Variants in RABGAP1L observed in about 807,000 individuals in gnomAD.
RABGAP1L encodes the protein rab GTPase-activating protein 1-like.
In RABGAP1L, 63 loss-of-function variants were observed where a neutral mutation model predicts 137.7. The ratio of observed to expected loss-of-function variants is 0.46; its 90% confidence interval spans 0.37 to 0.56. RABGAP1L has a LOEUF of 0.56. Among genes scored for constraint, RABGAP1L ranks in the 20% least tolerant of loss-of-function variants. The probability of loss-of-function intolerance (pLI) is 0.00; values close to 1 mark genes in which losing one functional copy is unlikely to be tolerated. For missense variants in RABGAP1L, 1,095 were observed against 1,244.0 expected (o/e 0.88, Z 1.80); for synonymous variants, 431 against 433.7 (o/e 0.99, Z 0.08).
At chr1:174,331,609 TA>T (rs1173565381) in intron 11 of RABGAP1L, among the ~76,000 whole-genome samples, 23 of 152,216 alleles carry the variant, frequency 1.5e-4, no homozygotes, top group Admixed American at 1.5e-3. Flanking sequence ...TTAAAATGTC[TA>T]TTATCAAAAA....
intron 17 of RABGAP1L, among the ~76,000 whole-genome samples, chr1:174,728,046 A>C (rs1308100914): frequency 1.3e-5 from 2 of 152,234 alleles, no homozygotes; most frequent in African/African-American, 2.4e-5. Flanking sequence ...AATGTTATAC[A>C]GCAGTAACAT....
intron 18 of RABGAP1L, among the ~76,000 whole-genome samples, chr1:174,782,614 G>A (rs1215716334): frequency 2.0e-5 from 3 of 152,080 alleles, no homozygotes; most frequent in South Asian, 2.1e-4. Flanking sequence ...CTGCATTTCC[G>A]CATGGGATGT....
At chr1:174,669,575 G>A (rs1284155440) in intron 14 of RABGAP1L, among the ~76,000 whole-genome samples, 9 of 152,100 alleles carry the variant, frequency 5.9e-5, no homozygotes, top group Admixed American at 5.9e-4. Flanking sequence ...ATGTCCTTGA[G>A]CGTTTTCTCT....
At chr1:174,201,654 C>CT (rs948774336) in intron 1 of RABGAP1L, among the ~76,000 whole-genome samples, 8 of 143,506 alleles carry the variant, frequency 5.6e-5, no homozygotes, top group Non-Finnish European at 1.2e-4. Flanking sequence ...TTTTTTTTTT[C>CT]TTTTTTTTAA....
intron 13 of RABGAP1L, among the ~76,000 whole-genome samples, chr1:174,570,308 T>A (rs746417541): frequency 5.9e-5 from 9 of 152,214 alleles, no homozygotes; most frequent in Non-Finnish European, 1.2e-4. Flanking sequence ...ACTAGGTTTT[T>A]ATTTTGCCTC....
chr1:174,636,581 T>C (rs981001149), intron 13 of RABGAP1L, among the ~76,000 whole-genome samples: 1 of 152,098 alleles, frequency 6.6e-6, no homozygotes, highest in African/African-American at 2.4e-5. Flanking sequence ...GCTTCCTGTT[T>C]TGTGGAATCA....
chr1:174,337,979 T>C (rs1249118962), intron 11 of RABGAP1L, among the ~76,000 whole-genome samples: 1 of 152,194 alleles, frequency 6.6e-6, no homozygotes, highest in Non-Finnish European at 1.5e-5. Context: ...CATTGCAGTT[T>C]GAGTTGCGTT....
chr1:174,169,071 T>C (rs754336468), intron 1 of RABGAP1L, among the ~76,000 whole-genome samples: 5 of 152,220 alleles, frequency 3.3e-5, no homozygotes, highest in Non-Finnish European at 7.3e-5. Context: ...CATATGATAA[T>C]GTAGGCCTCT....
chr1:174,505,003 A>G (rs1239288465), intron 13 of RABGAP1L, among the ~76,000 whole-genome samples: 5 of 152,200 alleles, frequency 3.3e-5, no homozygotes, highest in Admixed American at 1.3e-4. Context: ...TATATAAGGA[A>G]TCAATTCAAT....
chr1:174,635,632 A>AT (rs1047482952), intron 13 of RABGAP1L, among the ~76,000 whole-genome samples: 7 of 134,720 alleles, frequency 5.2e-5, no homozygotes, highest in Admixed American at 7.1e-5. Flanking sequence ...AGTTATGGTG[A>AT]TTTTTTAAGG....
At chr1:174,385,289 C>G (rs1205965619) in intron 12 of RABGAP1L, among the ~76,000 whole-genome samples, 1 of 152,090 alleles carries the variant, frequency 6.6e-6, no homozygotes, top group Non-Finnish European at 1.5e-5. Flanking sequence ...AATAACTGGC[C>G]ACTGATGTCA....
intron 19 of RABGAP1L, among the ~76,000 whole-genome samples, chr1:174,922,770 G>T (rs765759112): frequency 3.3e-5 from 5 of 152,162 alleles, no homozygotes; most frequent in Admixed American, 1.3e-4. Context: ...AAAAGTGTGG[G>T]CTCTGTCTTA....
chr1:174,258,327 C>G (rs566957214), intron 7 of RABGAP1L, among the ~76,000 whole-genome samples: 3 of 152,222 alleles, frequency 2.0e-5, no homozygotes, highest in Non-Finnish European at 4.4e-5. Flanking sequence ...CTCTGTCACC[C>G]AGCCTGGAGT....
chr1:174,437,872 C>T (rs570363024), intron 13 of RABGAP1L, among the ~76,000 whole-genome samples: 3,219 of 152,214 alleles, frequency 0.021, 120 homozygotes, highest in African/African-American at 0.074. Flanking sequence ...GCTGATCTCT[C>T]GGCAGAAACC....
chr1:174,307,827 A>G (rs927323990), intron 11 of RABGAP1L, among the ~76,000 whole-genome samples: 8 of 152,138 alleles, frequency 5.3e-5, no homozygotes, highest in Admixed American at 2.0e-4. Flanking sequence ...CTTTGGATAT[A>G]TATGCAGTAG....
At chr1:174,619,823 C>G (rs1672268439) in intron 13 of RABGAP1L, among the ~76,000 whole-genome samples, 1 of 152,126 alleles carries the variant, frequency 6.6e-6, no homozygotes, top group South Asian at 2.1e-4. Context: ...ATAAATGCTC[C>G]AATTAAAAGA....
intron 1 of RABGAP1L, among the ~76,000 whole-genome samples, chr1:174,203,522 G>C (rs938413701): frequency 1.8e-4 from 27 of 152,276 alleles, no homozygotes; most frequent in African/African-American, 6.0e-4. Flanking sequence ...CTGTAGTATA[G>C]TTTGAAGTTG....
chr1:174,751,194 TTG>T (rs1260130286), intron 17 of RABGAP1L, among the ~76,000 whole-genome samples: 1 of 152,192 alleles, frequency 6.6e-6, no homozygotes, highest in African/African-American at 2.4e-5. Flanking sequence ...AACTGAATAT[TTG>T]TGTTTATCAT....
intron 13 of RABGAP1L, among the ~76,000 whole-genome samples, chr1:174,635,371 T>C (rs1391524508): frequency 4.6e-5 from 7 of 152,220 alleles, no homozygotes; most frequent in Admixed American, 2.6e-4. Context: ...AAGTGGAAAC[T>C]ATTAACTTAT....
Sources: gnomAD v4.1 joint callset for allele counts (sites outside exome capture counted in the v4.1 genomes callset) on GRCh38, gnomAD v4.1.1 for gene constraint, MANE v1.5 for transcripts, NCBI Gene and HGNC (gene_info 2026-07-23, HGNC 2026-07-21) for gene names.